IGF1R: variants seen among roughly 807,000 people sequenced by gnomAD.
IGF1R encodes the protein insulin like growth factor 1 receptor, also known as insulin-like growth factor 1 receptor.
Under a neutral mutation model 144.6 loss-of-function variants are expected in IGF1R, and 44 were observed. The observed-to-expected ratio is 0.30, with a 90% CI of 0.24 to 0.39. IGF1R has a LOEUF of 0.39. Ranked by LOEUF, IGF1R falls within the 10% of genes least tolerant of loss-of-function variation. The pLI is 1.00. For synonymous variants in IGF1R, 795 were observed against 722.8 expected (o/e 1.10, Z -1.60); for missense variants, 1,355 against 1,833.7 (o/e 0.74, Z 4.77).
chr15:98,707,418 C>T lies in IGF1R; in HGVS notation c.95-144C>T. On this transcript the variant is annotated intron_variant, in intron 1 of 20. Transcript: ENST00000650285. The surrounding 1 kb of genome is among the most constrained non-coding windows in gnomAD (Gnocchi z 6.7). ...AGCCACCTAAACTGTCAGTCTGCAA[C>T]CCACAGCTCTGCAGTGAACAATTGA... 1 of 868,826 alleles carries T rather than the reference C, an allele frequency of 1.2e-6. No individual in the cohort carries two copies. Among genetic ancestry groups the T allele is most frequent in the South Asian group, 1.5e-5 (1 of 67,066 alleles). The allele number at this position is 868,826 out of a possible 1,614,324, so 53.8% of individuals were successfully genotyped here. A position where few individuals can be genotyped will look rare whatever the true frequency, so the allele number is the denominator to read the frequency against.
chr15:98,872,613 T>C (rs1309044497), intron 2 of IGF1R, among the ~76,000 whole-genome samples: 3 of 152,350 alleles, frequency 2.0e-5, no homozygotes, highest in South Asian at 4.1e-4. Flanking sequence ...TTTCATCTTA[T>C]ACCAGTAGCA....
At chr15:98,743,941 A>G (rs75090574) in intron 2 of IGF1R, among the ~76,000 whole-genome samples, 5,686 of 152,160 alleles carry the variant, frequency 0.037, 118 homozygotes, top group East Asian at 0.052. Flanking sequence ...TCTGGCTTGG[A>G]TGACAACTAT....
chr15:98,903,858 G>A (rs1414199132), intron 5 of IGF1R, among the ~76,000 whole-genome samples: 2 of 152,116 alleles, frequency 1.3e-5, no homozygotes, highest in African/African-American at 4.8e-5. Flanking sequence ...TGACTCATTC[G>A]TATGTAATTT....
At position 98,933,424 on chromosome 15, in the gene IGF1R, G is replaced by C. The variant is rs75045264; in HGVS notation, c.2957-1400G>C. On this transcript the variant is annotated intron_variant, in intron 15 of 20. Transcript: ENST00000650285. ...AGTGGTGCAGTCTCAGCTCCCAGTA[G>C]CCTCAACCTCCTGGGCTCAGGCGAT... Among the ~76,000 whole-genome samples the C allele has an allele frequency of 6.6e-3, 1,006 of 151,982 alleles. 16 individuals are homozygous for C. Among genetic ancestry groups the C allele is most frequent in the African/African-American group, 0.023 (964 of 41,438 alleles).
chr15:98,794,778 A>T (rs1398698365), intron 2 of IGF1R, among the ~76,000 whole-genome samples: 1 of 152,248 alleles, frequency 6.6e-6, no homozygotes, highest in African/African-American at 2.4e-5. Flanking sequence ...CACTTGAAAT[A>T]CCAAGTGATC....
intron 1 of IGF1R, among the ~76,000 whole-genome samples, chr15:98,687,313 A>C (rs1053372970): frequency 3.9e-5 from 6 of 152,208 alleles, no homozygotes; most frequent in Non-Finnish European, 7.3e-5. Context: ...GTCTGCACCC[A>C]GGCGAGTGTT....
intron 6 of IGF1R, among the ~76,000 whole-genome samples, chr15:98,910,524 G>C (rs1454855966): frequency 6.6e-6 from 1 of 152,186 alleles, no homozygotes; most frequent in Non-Finnish European, 1.5e-5. Context: ...CAGATAAGAG[G>C]GCGAAAGGAC....
intron 2 of IGF1R, among the ~76,000 whole-genome samples, chr15:98,847,841 C>T (rs1374242217): frequency 6.6e-6 from 1 of 152,158 alleles, no homozygotes; most frequent in Non-Finnish European, 1.5e-5. Flanking sequence ...CTGAGGATAA[C>T]ACCAATGAAA....
chr15:98,655,612 C>T (rs548035348), intron 1 of IGF1R, among the ~76,000 whole-genome samples: 2 of 151,482 alleles, frequency 1.3e-5, no homozygotes, highest in South Asian at 2.1e-4. Flanking sequence ...TAAAGATACC[C>T]GTCAAACTAT....
intron 17 of IGF1R, 113 bp from the exon 18 acceptor site, chr15:98,939,087 TA>T (rs2151713464): frequency 1.2e-6 from 1 of 852,740 alleles, no homozygotes; most frequent in Non-Finnish European, 1.9e-6. Context: ...TTTCTTAGCA[TA>T]AACAACCCAC....
chr15:98,804,289 T>A (rs555080292), intron 2 of IGF1R, among the ~76,000 whole-genome samples: 13 of 152,356 alleles, frequency 8.5e-5, no homozygotes, highest in African/African-American at 2.9e-4. Context: ...TTATGTAGTT[T>A]TAGAATGCCA....
At chr15:98,676,072 C>T (rs573706864) in intron 1 of IGF1R, among the ~76,000 whole-genome samples, 2 of 151,908 alleles carry the variant, frequency 1.3e-5, no homozygotes, top group East Asian at 3.9e-4. Context: ...TCAGGTGATC[C>T]GCCCACCTCA....
chr15:98,661,955 C>CTTTTTTTTTTT (rs1567062333), intron 1 of IGF1R, among the ~76,000 whole-genome samples: 2 of 108,226 alleles, frequency 1.8e-5, no homozygotes, highest in African/African-American at 8.4e-5. Context: ...TGAATAGGGC[C>CTTTTTTTTTTT]CTTTTTTTTT....
chr15:98,697,563 C>T (rs1183842924), intron 1 of IGF1R, among the ~76,000 whole-genome samples: 1 of 151,724 alleles, frequency 6.6e-6, no homozygotes, highest in Non-Finnish European at 1.5e-5. Flanking sequence ...GCTGTATCTG[C>T]AGCAGAGCTG....
rs2017256411 is a variant in IGF1R, at chr15:98,962,275, C to T, written c.*4833C>T. ...GTGACCCGCCGTGGTATGCCTTGGC[C>T]CATTCCAGCAGTCCCAGTTATGCAT... is the stretch of plus-strand genomic sequence containing the variant. On this transcript the variant is annotated 3_prime_UTR_variant, in exon 21 of 21. Coordinates refer to ENST00000650285, the MANE Select transcript of IGF1R (RefSeq NM_000875.5). 1 of 233,322 alleles carries T rather than the reference C, an allele frequency of 4.3e-6. No homozygotes were observed. The highest frequency in any genetic ancestry group is 2.2e-5 in the African/African-American group (1 of 45,362). The allele number at this position is 233,322 out of a possible 1,614,324, so 14.5% of individuals were successfully genotyped here.
chr15:98,916,580 G>T, intron 9 of IGF1R, 92 bp from the exon 10 acceptor site: 2 of 1,134,556 alleles, frequency 1.8e-6, no homozygotes, highest in Admixed American at 3.5e-5. Context: ...CTATCTTCTT[G>T]ATTAAAGGTA....
At chr15:98,803,280 A>G (rs2056399797) in intron 2 of IGF1R, among the ~76,000 whole-genome samples, 1 of 152,190 alleles carries the variant, frequency 6.6e-6, no homozygotes, top group South Asian at 2.1e-4. Context: ...AGGCAATGGT[A>G]ACACAGTGGT....
chr15:98,937,383 G>A (rs1472143393), intron 17 of IGF1R, among the ~76,000 whole-genome samples: 1 of 152,116 alleles, frequency 6.6e-6, no homozygotes, highest in African/African-American at 2.4e-5. Context: ...CTCTGCGGCT[G>A]GCTGCCTGTG....
At chr15:98,701,835 TTTAC>T (rs918008272) in intron 1 of IGF1R, among the ~76,000 whole-genome samples, 1 of 152,186 alleles carries the variant, frequency 6.6e-6, no homozygotes, top group Non-Finnish European at 1.5e-5. Context: ...TCCATTAATG[TTTAC>T]TTAATAACAG....
Sources: allele counts gnomAD v4.1 joint callset (sites outside exome capture counted in the v4.1 genomes callset), GRCh38; gene constraint gnomAD v4.1.1; non-coding constraint Gnocchi (gnomAD v3.1); transcripts MANE v1.5; gene names NCBI Gene and HGNC (gene_info 2026-07-23, HGNC 2026-07-21).